PTK2B: variants seen among roughly 807,000 people sequenced by gnomAD.
PTK2B encodes the protein protein tyrosine kinase 2 beta.
A neutral mutation model predicts 142.9 loss-of-function variants in PTK2B; 71 were observed. The observed-to-expected ratio is 0.50, with a 90% CI of 0.41 to 0.61. PTK2B has a LOEUF of 0.61. Ranked by LOEUF, PTK2B falls within the 20% of genes least tolerant of loss-of-function variation. PTK2B has a pLI of 0.00. For synonymous variants in PTK2B, 519 were observed against 503.4 expected (o/e 1.03, Z -0.42); for missense variants, 1,105 against 1,320.4 (o/e 0.84, Z 2.53).
chr8:27,312,998 T>C (rs962148069), intron 2 of PTK2B, among the ~76,000 whole-genome samples: 1 of 152,180 alleles, frequency 6.6e-6, no homozygotes, highest in Non-Finnish European at 1.5e-5. Flanking sequence ...CATGATATGG[T>C]TTGGCTGTGT....
chr8:27,365,026 C>A lies in PTK2B; in HGVS notation c.-37-32522C>A, dbSNP rs17057047. 5.5e-3 allele frequency among the ~76,000 whole-genome samples: 838 copies of A among 152,288 alleles called. 5 individuals are homozygous for A. The highest frequency in any genetic ancestry group is 0.019 in the African/African-American group (783 of 41,554). On this transcript the variant is annotated intron_variant, in intron 1 of 30. Coordinates refer to ENST00000346049, the MANE Select transcript of PTK2B (RefSeq NM_173176.3). ...AGCCTCAGGCTTTCCTGCAGTTTTG[C>A]TCATATACATTCTAAGTTTTTCTGA...
intron 1 of PTK2B, among the ~76,000 whole-genome samples, chr8:27,381,861 G>A (rs897221865): frequency 1.3e-5 from 2 of 152,224 alleles, no homozygotes; most frequent in Non-Finnish European, 2.9e-5. Context: ...CTAACTGGGT[G>A]AGATGCTATC....
chr8:27,434,264 G>A, intron 12 of PTK2B, 132 bp downstream of exon 12: 1 of 1,231,752 alleles, frequency 8.1e-7, no homozygotes, highest in Non-Finnish European at 1.1e-6. Context: ...GAAAAAAGAT[G>A]ATCTTTCCCT....
At chr8:27,408,319 G>C (rs1463234012) in intron 2 of PTK2B, among the ~76,000 whole-genome samples, 1 of 152,240 alleles carries the variant, frequency 6.6e-6, no homozygotes, top group Non-Finnish European at 1.5e-5. Flanking sequence ...CTTGATTCCA[G>C]AGAGGGCCTG....
chr8:27,412,018 T>A (rs1259960220), intron 2 of PTK2B, among the ~76,000 whole-genome samples: 1 of 152,190 alleles, frequency 6.6e-6, no homozygotes, highest in Non-Finnish European at 1.5e-5. Flanking sequence ...AGAGGACAGG[T>A]CTGAGGGACC....
At chr8:27,311,289 C>T (rs559043628), upstream of PTK2B, 3 of 1,447,712 alleles carry the variant, frequency 2.1e-6, no homozygotes, top group Admixed American at 2.7e-5. Context: ...CCCTCCCACC[C>T]GCCCGGCTGC....
chr8:27,387,573 C>T (rs928686453), intron 1 of PTK2B, among the ~76,000 whole-genome samples: 1 of 152,132 alleles, frequency 6.6e-6, no homozygotes, highest in Non-Finnish European at 1.5e-5. Context: ...ATGCCCTTGC[C>T]CTAGAAGACG....
chr8:27,355,900 G>A (rs1372571224), intron 1 of PTK2B, among the ~76,000 whole-genome samples: 1 of 151,980 alleles, frequency 6.6e-6, no homozygotes, highest in African/African-American at 2.4e-5. Flanking sequence ...GCAGGCACCT[G>A]TAATCTCAGC....
At chr8:27,457,101 A>AT (rs1173228291) in intron 30 of PTK2B, among the ~76,000 whole-genome samples, 1 of 152,218 alleles carries the variant, frequency 6.6e-6, no homozygotes, top group African/African-American at 2.4e-5. Context: ...TAAACCACAG[A>AT]TTTTTCAATG....
chr8:27,347,815 C>T (rs1804805234), intron 1 of PTK2B, among the ~76,000 whole-genome samples: 1 of 152,204 alleles, frequency 6.6e-6, no homozygotes, highest in Non-Finnish European at 1.5e-5. Context: ...CTGACTTTAC[C>T]TAGTCTCTGC....
chr8:27,356,554 T>G (rs916970508), intron 1 of PTK2B, among the ~76,000 whole-genome samples: 1 of 152,224 alleles, frequency 6.6e-6, no homozygotes, highest in Non-Finnish European at 1.5e-5. Flanking sequence ...AGTGAATTCA[T>G]GGAATGCAGT....
rs7005936 is a variant in PTK2B at position 27,436,348 on chromosome 8, C to T, written c.1341C>T (p.His447=). 631,222 of 1,606,018 alleles carry T rather than the reference C, an allele frequency of 0.39. 126,964 individuals carry two copies. The highest frequency in any genetic ancestry group is 0.45 in the African/African-American group (33,736 of 74,728). Residue 447 remains histidine, a splice_region_variant and synonymous_variant, in exon 15 of 31, where the codon CAC becomes CAT. Coordinates refer to ENST00000346049, the MANE Select transcript of PTK2B (RefSeq NM_173176.3). ...GEVYEGVYTN[H]KGEKINVAVK... Reference sequence around the variant, plus strand: ...TCTATGAAGGTGTCTACACAAATCACGTGAGTTCTAGGATCTTCCCTTACA... The same window carrying T: ...TCTATGAAGGTGTCTACACAAATCATGTGAGTTCTAGGATCTTCCCTTACA...
At position 27,393,797 on chromosome 8, in the gene PTK2B, C is replaced by G. The variant is rs190096637; in HGVS notation, c.-37-3751C>G. ...CCCACTATCAACATCCCTCACCCCC[C>G]AGAGTGGCGCATTTGTCACAGTCCA... On this transcript the variant is annotated intron_variant, in intron 1 of 30. Coordinates refer to ENST00000346049, the MANE Select transcript of PTK2B (RefSeq NM_173176.3). 1.1e-4 allele frequency among the ~76,000 whole-genome samples: 16 copies of G among 152,218 alleles called. No homozygotes were observed. The East Asian group carries it at 2.9e-3, about 28-fold the overall frequency.
intron 1 of PTK2B, among the ~76,000 whole-genome samples, chr8:27,395,811 C>T (rs1387659193): frequency 1.3e-5 from 2 of 152,202 alleles, no homozygotes; most frequent in African/African-American, 2.4e-5. Context: ...GTCATCATTT[C>T]TCTGATGTTT....
chr8:27,450,560 A>G (rs1354237291), intron 24 of PTK2B, among the ~76,000 whole-genome samples, 189 bp from the exon 25 acceptor site: 1 of 152,324 alleles, frequency 6.6e-6, no homozygotes, highest in South Asian at 2.1e-4. Flanking sequence ...ACGCAGATAC[A>G]TGCTCGGGGC....
chr8:27,378,751 T>A (rs1301538416), intron 1 of PTK2B, among the ~76,000 whole-genome samples: 1 of 151,996 alleles, frequency 6.6e-6, no homozygotes, highest in Non-Finnish European at 1.5e-5. Context: ...ACCCCCACAC[T>A]CTACTCCCAC....
intron 4 of PTK2B, among the ~76,000 whole-genome samples, chr8:27,421,556 G>A (rs940219330): frequency 3.3e-5 from 5 of 152,136 alleles, no homozygotes; most frequent in African/African-American, 9.7e-5. Context: ...ATACAATGTT[G>A]GTTTTCCATT....
intron 3 of PTK2B, among the ~76,000 whole-genome samples, chr8:27,319,297 G>A (rs1002624608): frequency 2.0e-5 from 3 of 147,928 alleles, no homozygotes; most frequent in Non-Finnish European, 4.4e-5. Flanking sequence ...GGATGGGGGA[G>A]GTGGAATATT....
intron 1 of PTK2B, among the ~76,000 whole-genome samples, chr8:27,357,067 C>T (rs1032859020): frequency 4.6e-5 from 7 of 151,994 alleles, no homozygotes; most frequent in African/African-American, 1.7e-4. Flanking sequence ...ACGAATGAAT[C>T]CATGTAAAAA....
Sources: allele counts gnomAD v4.1 joint callset (sites outside exome capture counted in the v4.1 genomes callset), GRCh38; gene constraint gnomAD v4.1.1; transcripts MANE v1.5; gene names NCBI Gene and HGNC (gene_info 2026-07-23, HGNC 2026-07-21).